The following GRSF1 variants were observed in gnomAD, a reference collection of about 807,000 sequenced individuals.
GRSF1 encodes the protein G-rich RNA sequence binding factor 1.
A neutral mutation model predicts 51.1 loss-of-function variants in GRSF1; 50 were observed. The ratio of observed to expected loss-of-function variants is 0.98; its 90% CI spans 0.78 to 1.24. The LOEUF (loss-of-function observed/expected upper bound fraction) is 1.24. Among genes scored for constraint, GRSF1 ranks in the 50% most tolerant of loss-of-function variants. The pLI is 0.00. For synonymous variants in GRSF1, 293 were observed against 253.3 expected (o/e 1.16, Z -1.49); for missense variants, 700 against 639.7 (o/e 1.09, Z -1.02).
chr4:70,835,581 CAAGT>C (rs956493835), intron 2 of GRSF1, among the ~76,000 whole-genome samples: 3 of 151,424 alleles, frequency 2.0e-5, no homozygotes, highest in Admixed American at 1.3e-4. Context: ...CTCAGCCTCC[CAAGT>C]AGCTGGGACT....
intron 5 of GRSF1, among the ~76,000 whole-genome samples, chr4:70,829,350 G>GT (rs71211964): frequency 6.8e-6 from 1 of 147,590 alleles, no homozygotes; most frequent in African/African-American, 2.5e-5. Flanking sequence ...GTTTTTTTTT[G>GT]TTTTTTTTTT....
intron 9 of GRSF1, among the ~76,000 whole-genome samples, chr4:70,821,564 C>T (rs1314606102): frequency 6.6e-6 from 1 of 150,640 alleles, no homozygotes; most frequent in Non-Finnish European, 1.5e-5. Context: ...GGAGATCACA[C>T]CACTGCACTC....
chr4:70,828,574 A>AT (rs993978958), intron 5 of GRSF1, among the ~76,000 whole-genome samples: 43 of 148,040 alleles, frequency 2.9e-4, no homozygotes, highest in East Asian at 5.9e-4. Context: ...TTCTGGAACA[A>AT]TTTTTTTTTT....
At chr4:70,828,472 C>T (rs1475066125) in intron 5 of GRSF1, among the ~76,000 whole-genome samples, 1 of 152,192 alleles carries the variant, frequency 6.6e-6, no homozygotes. Flanking sequence ...GAGCTAACTT[C>T]CCCAGAACTT....
Position 70,826,174 on chromosome 4 carries a change from C to T in GRSF1, c.1207G>A (p.Val403Ile). ...TGGAAAGGTAATCCTCTCATGTGGA[C>T]AAAATGCAGAGAAGACGTAGTTCCA... ...DFGTTSSLHF[V>I]HMRGLPFQAN... The change falls in exon 7 of 10, where the codon GTC becomes ATC. Residue 403 changes from valine to isoleucine, a missense_variant. Coordinates refer to ENST00000254799, the MANE Select transcript of GRSF1 (RefSeq NM_002092.4). 6.2e-7 allele frequency: 1 copy of T among 1,611,434 alleles called. No individual in the cohort carries two copies. Among genetic ancestry groups the T allele is most frequent in the Non-Finnish European group, 8.5e-7 (1 of 1,178,304 alleles).
rs577909875 is a variant in GRSF1 at position 70,823,974 on chromosome 4, C to CTTTTTTTT, written c.*25+319_*25+320insAAAAAAAA. Among the ~76,000 whole-genome samples, 254 of 100,920 alleles carry CTTTTTTTT rather than the reference C, an allele frequency of 2.5e-3. 40 individuals carry two copies. Among genetic ancestry groups the CTTTTTTTT allele is most frequent in the East Asian group, 3.9e-3 (11 of 2,794 alleles). 66.2% of individuals were successfully genotyped at this position (100,920 alleles called of 152,430 possible). A position where few individuals can be genotyped will look rare whatever the true frequency, so the allele number is the denominator to read the frequency against. ...AAATAATTTCCACAGTTGTATCTCTCTCTTTTTTTTTTTTTTTTTTGAGTC... is the reference window on the plus strand; with the variant it reads ...AAATAATTTCCACAGTTGTATCTCTCTTTTTTTTTCTTTTTTTTTTTTTTTTTTGAGTC... On this transcript the variant is annotated intron_variant, in intron 9 of 9. Transcript: ENST00000254799.
Position 70,836,275 on chromosome 4 carries a change from G to A in GRSF1, c.397C>T (p.Pro133Ser). The A allele has an allele frequency of 6.2e-7, 1 of 1,600,270 alleles. No individual in the cohort carries two copies. Among genetic ancestry groups the A allele is most frequent in the Non-Finnish European group, 8.5e-7 (1 of 1,176,192 alleles). The change falls in exon 2 of 10, where the codon CCT becomes TCT. Residue 133 changes from proline (P) to serine (S), a missense_variant. Pro to Ser is a moderately conservative substitution (Grantham distance 74). Coordinates refer to ENST00000254799, the MANE Select transcript of GRSF1 (RefSeq NM_002092.4). ...TTYLEDLPPP[P>S]EYELAPSKLE... ...TTGGACGGGGCCAATTCATACTCAG[G>A]GGGTGGTGGAAGGTCTTCCAGGTAA...
rs1733351844 is a variant in GRSF1 at position 70,817,352 on chromosome 4, G to C, written c.*3535C>G. The stretch of plus-strand genomic sequence containing the variant: ...AGCCTCACAAAGTGCGGGGATTACA[G>C]ATGTCAGCCACCACACCTAGCCTAT... On this transcript the variant is annotated 3_prime_UTR_variant, in exon 10 of 10. Coordinates refer to ENST00000254799, the MANE Select transcript of GRSF1 (RefSeq NM_002092.4). 2.6e-5 allele frequency: 4 copies of C among 152,106 alleles called. 1 individual carries two copies. Among genetic ancestry groups the C allele is most frequent in the Admixed American group, 2.6e-4 (4 of 15,262 alleles). 9.4% of individuals were successfully genotyped at this position (152,106 alleles called of 1,614,324 possible).
chr4:70,826,256 G>T lies in GRSF1; in HGVS notation c.1136-11C>A. On this transcript the variant is annotated splice_polypyrimidine_tract_variant and intron_variant, in intron 6 of 9. Coordinates refer to ENST00000254799, the MANE Select transcript of GRSF1 (RefSeq NM_002092.4). ...CCTCCTTAGGCAATTCTGAGAGGTG[G>T]AACAGAAAGCACTGTTAAAACATAA... 1 of 1,593,850 alleles carries T rather than the reference G, an allele frequency of 6.3e-7. No homozygotes were observed. The highest frequency in any genetic ancestry group is 1.1e-5 in the South Asian group (1 of 87,938).
At position 70,816,322 on chromosome 4, in the gene GRSF1, C is replaced by G. The variant is rs1733304337; in HGVS notation, c.*4565G>C. 1 of 140,212 alleles carries G rather than the reference C, an allele frequency of 7.1e-6. No individual in the cohort carries two copies. The highest frequency in any genetic ancestry group is 7.6e-5 in the Admixed American group (1 of 13,202). 8.7% of individuals were successfully genotyped at this position (140,212 alleles called of 1,614,324 possible). ...CCAAGACCAGGCCACTGCACTCTAGCCTGGGCGATACAAGACTCCATCTCA... is the reference window on the plus strand; with the variant it reads ...CCAAGACCAGGCCACTGCACTCTAGGCTGGGCGATACAAGACTCCATCTCA... On this transcript the variant is annotated 3_prime_UTR_variant, in exon 10 of 10. Transcript: ENST00000254799.
chr4:70,834,278 A>G (rs1734105046), intron 2 of GRSF1, among the ~76,000 whole-genome samples: 1 of 152,018 alleles, frequency 6.6e-6, no homozygotes, highest in African/African-American at 2.4e-5. Context: ...AATAAAAATA[A>G]ATCATAGTCA....
At position 70,836,252 on chromosome 4, in the gene GRSF1, G is replaced by C. The variant is rs1471053687; in HGVS notation, c.420C>G (p.Ser140=). The change falls in exon 2 of 10, where the codon TCC becomes TCG. Residue 140 remains serine (S), a synonymous_variant. Transcript: ENST00000254799. ...PPPPEYELAP[S]KLEEEVDDVF... is the part of the protein sequence containing the mutation. Reference sequence around the variant, plus strand: ...CATCATCCACTTCCTCTTCTAACTTGGACGGGGCCAATTCATACTCAGGGG... The same window carrying C: ...CATCATCCACTTCCTCTTCTAACTTCGACGGGGCCAATTCATACTCAGGGG... 14 of 1,609,796 alleles carry C rather than the reference G, an allele frequency of 8.7e-6. No individual in the cohort carries two copies. Among genetic ancestry groups the C allele is most frequent in the Non-Finnish European group, 1.1e-5 (13 of 1,178,130 alleles).
rs114396100 is a variant in GRSF1, at chr4:70,831,476, G to A, written c.950+63C>T. The A allele has an allele frequency of 2.1e-6, 3 of 1,410,164 alleles. No homozygotes were observed. In the East Asian group the frequency reaches 7.0e-5, roughly 33 times the overall value. The allele number at this position is 1,410,164 out of a possible 1,614,324, so 87.4% of individuals were successfully genotyped here. A position where few individuals can be genotyped will look rare whatever the true frequency, so the allele number is the denominator to read the frequency against. On this transcript the variant is annotated intron_variant, in intron 5 of 9. Transcript: ENST00000254799. ...TGGATAACTTTTCAGTCATATTACAGCACATTCATCAAAATGACTTAATGT... is the reference window on the plus strand; with the variant it reads ...TGGATAACTTTTCAGTCATATTACAACACATTCATCAAAATGACTTAATGT...
intron 9 of GRSF1, among the ~76,000 whole-genome samples, chr4:70,821,530 C>CG (rs781104614): frequency 1.3e-5 from 2 of 150,698 alleles, no homozygotes; most frequent in Admixed American, 6.6e-5. Context: ...CGCTTGAACC[C>CG]GGGGGGCGGA....
At position 70,819,080 on chromosome 4, in the gene GRSF1, G is replaced by A. The variant is rs552964761; in HGVS notation, c.*1807C>T. On this transcript the variant is annotated 3_prime_UTR_variant, in exon 10 of 10. Transcript: ENST00000254799. ...ACATTTTGTACAGAAAACTCAGCCT[G>A]TAGCGTGCCAAGAAGATATATCCTT... The A allele has an allele frequency of 6.6e-6, 1 of 152,288 alleles. No homozygotes were observed. The highest frequency in any genetic ancestry group is 2.1e-4 in the South Asian group (1 of 4,828). 9.4% of individuals were successfully genotyped at this position (152,288 alleles called of 1,614,324 possible).
In GRSF1 at chr4:70,830,350, C is replaced by T. The variant is rs538091026; in HGVS notation, c.950+1189G>A. Reference sequence around the variant, plus strand: ...GTTCTAGCTAGTTGGGAGGATGAGGCGAGACGATTGCTTGAGCCCAGGAAT... The same window carrying T: ...GTTCTAGCTAGTTGGGAGGATGAGGTGAGACGATTGCTTGAGCCCAGGAAT... On this transcript the variant is annotated intron_variant, in intron 5 of 9. Transcript: ENST00000254799. Among the ~76,000 whole-genome samples the T allele has an allele frequency of 4.8e-4, 73 of 151,232 alleles. 1 individual carries two copies. The South Asian group carries it at 0.012, about 24-fold the overall frequency.
chr4:70,831,588 C>G lies in GRSF1; in HGVS notation c.901G>C (p.Glu301Gln). ...TTCAACAGGGCTTGGTTGGCCATTT[C>G]TGGTTCTTCAAATTGCACATAGGCT... ...GEAYVQFEEPEMANQALLKHR... is the reference protein window; with the variant it reads ...GEAYVQFEEPQMANQALLKHR... Residue 301 changes from glutamate to glutamine, a missense_variant, in exon 5 of 10, where the codon GAA (glutamate) becomes CAA (glutamine). Transcript: ENST00000254799. 1 of 1,613,848 alleles carries G rather than the reference C, an allele frequency of 6.2e-7. No homozygotes were observed. Among genetic ancestry groups the G allele is most frequent in the Non-Finnish European group, 8.5e-7 (1 of 1,179,798 alleles).
At position 70,831,542 on chromosome 4, in the gene GRSF1, T is replaced by C. The variant is rs1733965953; in HGVS notation, c.947A>G (p.Asn316Ser). Residue 316 changes from asparagine to serine, a missense_variant, in exon 5 of 10, where the codon AAT (asparagine) becomes AGT (serine). By Grantham distance (46) the Asn-to-Ser change is conservative. Coordinates refer to ENST00000254799, the MANE Select transcript of GRSF1 (RefSeq NM_002092.4). ...ALLKHREEIG[N>S]RYIEIFPSRR... ...CATTAGTATCTGCTTTACTCACCGA[T>C]TACCAATTTCTTCCCTGTGTTTCAA... The C allele has an allele frequency of 1.2e-6, 2 of 1,613,078 alleles. No homozygotes were observed. The highest frequency in any genetic ancestry group is 8.5e-7 in the Non-Finnish European group (1 of 1,179,568).
chr4:70,834,301 A>T (rs1043685612), intron 2 of GRSF1, among the ~76,000 whole-genome samples: 1 of 146,444 alleles, frequency 6.8e-6, no homozygotes, highest in African/African-American at 2.5e-5. Context: ...TACAGAAACT[A>T]AAAAAAAAAA....
Sources: allele counts gnomAD v4.1 joint callset (sites outside exome capture counted in the v4.1 genomes callset), GRCh38; gene constraint gnomAD v4.1.1; transcripts MANE v1.5; gene names NCBI Gene and HGNC (gene_info 2026-07-23, HGNC 2026-07-21).